Variants in FGF1 observed in about 807,000 individuals in gnomAD.
The protein encoded by FGF1 is beta-endothelial cell growth factor.
Under a neutral mutation model 13.4 loss-of-function variants are expected in FGF1, and 9 were observed. The ratio of observed to expected loss-of-function variants is 0.67; its 90% confidence interval spans 0.40 to 1.17. The LOEUF (loss-of-function observed/expected upper bound fraction) is 1.17. Ranked by LOEUF, FGF1 falls within the 50% of genes most tolerant of loss-of-function variation. FGF1 has a pLI of 0.01. For synonymous variants in FGF1, 93 were observed against 79.0 expected, an observed-to-expected ratio of 1.18 and a Z score of -0.94; for missense variants, 156 against 192.7, an observed-to-expected ratio of 0.81 and a Z score of 1.13.
intron 2 of FGF1, among the ~76,000 whole-genome samples, chr5:142,694,092 T>TATC (rs1469715567): frequency 1.5e-4 from 2 of 13,210 alleles, no homozygotes; most frequent in African/African-American, 5.2e-4. Flanking sequence ...ATCTATAATC[T>TATC]ATCTATCTAT....
chr5:142,680,518 T>C (rs56188552), intron 1 of FGF1, among the ~76,000 whole-genome samples: 30,063 of 152,108 alleles, frequency 0.2, 3,437 homozygotes, highest in Non-Finnish European at 0.26. Context: ...CCCCACTCAG[T>C]CACTTACTAC....
At chr5:142,619,225 C>T (rs1371072600) in intron 1 of FGF1, among the ~76,000 whole-genome samples, 3 of 152,288 alleles carry the variant, frequency 2.0e-5, no homozygotes, top group African/African-American at 4.8e-5. Flanking sequence ...TGAGCCACCA[C>T]GCCCAGCCTT....
At chr5:142,686,569 C>A (rs139150438), upstream of FGF1, 6 of 152,352 alleles carry the variant, frequency 3.9e-5, no homozygotes, top group East Asian at 1.2e-3. Context: ...GGCTCGGAGA[C>A]TCTCCTCTGG....
intron 1 of FGF1, among the ~76,000 whole-genome samples, chr5:142,641,108 A>C (rs1266808507): frequency 6.6e-6 from 1 of 152,070 alleles, no homozygotes; most frequent in African/African-American, 2.4e-5. Flanking sequence ...TGGTTCTTCT[A>C]ATGGAGAATG....
At chr5:142,608,795 TTATG>T (rs1420309223) in intron 2 of FGF1, among the ~76,000 whole-genome samples, 1 of 65,678 alleles carries the variant, frequency 1.5e-5, no homozygotes, top group Non-Finnish European at 3.6e-5. Flanking sequence ...ATGTGATATA[TTATG>T]TGTGTGTGTG....
At chr5:142,675,301 A>G (rs1772322100) in intron 1 of FGF1, among the ~76,000 whole-genome samples, 2 of 152,010 alleles carry the variant, frequency 1.3e-5, no homozygotes, top group South Asian at 4.2e-4. Context: ...GCAAGTGAAA[A>G]TCCATATTCT....
At chr5:142,643,320 C>A (rs188669973) in intron 1 of FGF1, among the ~76,000 whole-genome samples, 31 of 152,140 alleles carry the variant, frequency 2.0e-4, no homozygotes, top group Admixed American at 7.2e-4. Flanking sequence ...CACACACATA[C>A]CCCAAAATAT....
At chr5:142,604,400 T>C (rs1320547284) in intron 2 of FGF1, among the ~76,000 whole-genome samples, 3 of 152,184 alleles carry the variant, frequency 2.0e-5, no homozygotes, top group Non-Finnish European at 4.4e-5. Context: ...GGGCTAACTT[T>C]TATTGATCAC....
chr5:142,608,733 ATATCATATATATATAG>A (rs1346112670), intron 2 of FGF1, among the ~76,000 whole-genome samples: 1 of 147,450 alleles, frequency 6.8e-6, no homozygotes, highest in African/African-American at 2.5e-5. Context: ...ACACACATAT[ATATCATATATATATAG>A]TATATATACA....
Position 142,592,587 on chromosome 5 carries a change from T to C in FGF1, c.*2703A>G, listed in dbSNP as rs1277564386. 7.6e-6 allele frequency: 3 copies of C among 396,614 alleles called. No homozygotes were observed. The highest frequency in any genetic ancestry group is 1.3e-5 in the Non-Finnish European group (3 of 225,208). The allele number at this position is 396,614 out of a possible 1,614,324, so 24.6% of individuals were successfully genotyped here. On this transcript the variant is annotated 3_prime_UTR_variant, in exon 4 of 4. Coordinates refer to ENST00000337706, the MANE Select transcript of FGF1 (RefSeq NM_000800.5). Reference sequence around the variant, plus strand: ...ACGTGACAGGAGCTGGCTATGAGACTTACTTAAGACAGCAATGGGAATGTC... The same window carrying C: ...ACGTGACAGGAGCTGGCTATGAGACCTACTTAAGACAGCAATGGGAATGTC...
At chr5:142,618,076 CTG>C (rs1283095478) in intron 1 of FGF1, among the ~76,000 whole-genome samples, 12 of 152,128 alleles carry the variant, frequency 7.9e-5, no homozygotes, top group Admixed American at 7.9e-4. Flanking sequence ...AGGGGATTGT[CTG>C]TGTTGTGCTG....
At chr5:142,620,397 G>A (rs773212183) in intron 1 of FGF1, among the ~76,000 whole-genome samples, 10 of 151,988 alleles carry the variant, frequency 6.6e-5, no homozygotes, top group Non-Finnish European at 1.3e-4. Flanking sequence ...CAGCCTGGGT[G>A]ACAGAGCAAG....
intron 2 of FGF1, among the ~76,000 whole-genome samples, chr5:142,608,539 C>CATATAT: frequency 1.4e-5 from 1 of 72,068 alleles, no homozygotes; most frequent in Non-Finnish European, 2.8e-5. Flanking sequence ...TATATATACA[C>CATATAT]ATCTATATAT....
rs574973872 is a variant in FGF1 at position 142,670,861 on chromosome 5, C to T, written c.-35+15096G>A. ...GGGCCATTTCGGTTTTGAGAGCACACTATTGCACATACACTAAGATGTTTC... is the reference window on the plus strand; with the variant it reads ...GGGCCATTTCGGTTTTGAGAGCACATTATTGCACATACACTAAGATGTTTC... On this transcript the variant is annotated intron_variant, in intron 1 of 3. Transcript: ENST00000337706. Among the ~76,000 whole-genome samples, 8 of 152,292 alleles carry T rather than the reference C, an allele frequency of 5.3e-5. No homozygotes were observed. In the South Asian group the frequency reaches 8.3e-4, roughly 16 times the overall value.
At chr5:142,645,961 C>T (rs537467703) in intron 1 of FGF1, among the ~76,000 whole-genome samples, 26 of 152,192 alleles carry the variant, frequency 1.7e-4, no homozygotes, top group South Asian at 6.2e-4. Context: ...TAGGCTGAAG[C>T]GCAGTGGTGC....
upstream of FGF1, among the ~76,000 whole-genome samples, chr5:142,690,195 C>A (rs1482701946): frequency 5.3e-5 from 8 of 151,682 alleles, no homozygotes; most frequent in African/African-American, 1.9e-4. Flanking sequence ...GTGGCGGGCG[C>A]CTGTAGTCCC....
In FGF1 at chr5:142,629,987, G is replaced by A. The variant is rs767708705; in HGVS notation, c.-34-15826C>T. On this transcript the variant is annotated intron_variant, in intron 1 of 3. Coordinates refer to ENST00000337706, the MANE Select transcript of FGF1 (RefSeq NM_000800.5). ...CGGCTCACTGTAAGCCCCGCCTGCCGGGTTCAAGTGATTCTCCTGCCTCAG... is the reference window on the plus strand; with the variant it reads ...CGGCTCACTGTAAGCCCCGCCTGCCAGGTTCAAGTGATTCTCCTGCCTCAG... Among the ~76,000 whole-genome samples the A allele has an allele frequency of 3.5e-4, 53 of 150,978 alleles. 1 individual carries two copies. The highest frequency in any genetic ancestry group is 6.6e-4 in the Admixed American group (10 of 15,136).
intron 2 of FGF1, among the ~76,000 whole-genome samples, chr5:142,612,860 G>A (rs978038667): frequency 2.6e-5 from 4 of 152,160 alleles, no homozygotes; most frequent in Non-Finnish European, 5.9e-5. Flanking sequence ...AGGGTACAGC[G>A]TGAGCACCAG....
intron 1 of FGF1, among the ~76,000 whole-genome samples, chr5:142,676,846 A>G (rs1161937667): frequency 6.6e-6 from 1 of 152,202 alleles, no homozygotes; most frequent in Non-Finnish European, 1.5e-5. Flanking sequence ...GAAAGAAACC[A>G]TTCTGAAGTC....
Sources: gnomAD v4.1 joint callset for allele counts (sites outside exome capture counted in the v4.1 genomes callset) on GRCh38, gnomAD v4.1.1 for gene constraint, MANE v1.5 for transcripts, NCBI Gene and HGNC (gene_info 2026-07-23, HGNC 2026-07-21) for gene names.